LACTB2: variants seen among roughly 807,000 people sequenced by gnomAD.
LACTB2 encodes the protein lactamase beta 2, also known as endoribonuclease LACTB2.
A neutral mutation model predicts 34.8 loss-of-function variants in LACTB2; 32 were observed. The observed-to-expected ratio is 0.92, with a 90% CI of 0.69 to 1.24. The LOEUF is 1.24. LACTB2 is among the 50% of genes most tolerant of loss of function. LACTB2 has a pLI of 0.00. For missense variants in LACTB2, 320 were observed against 345.0 expected, an observed-to-expected ratio of 0.93 and a Z score of 0.57; for synonymous variants, 120 against 117.5, an observed-to-expected ratio of 1.02 and a Z score of -0.14.
Position 70,668,748 on chromosome 8 carries a change from GTT to G in LACTB2, c.122+249_122+250del, listed in dbSNP as rs990900411. 9.6e-4 allele frequency among the ~76,000 whole-genome samples: 100 copies of G among 103,678 alleles called. 2 individuals carry two copies. The highest frequency in any genetic ancestry group is 8.3e-3 in the South Asian group (17 of 2,060). 68.0% of individuals were successfully genotyped at this position (103,678 alleles called of 152,430 possible). On this transcript the variant is annotated intron_variant, in intron 1 of 6. Transcript: ENST00000276590. ...CAGTAAATCGGGTTTCAAAACAGAA[GTT>G]TTTTTTTTTTTTTTTTTTTTTTTTT...
Position 70,637,674 on chromosome 8 carries a change from A to G in LACTB2, c.*186T>C, listed in dbSNP as rs1025860867. 5.5e-6 allele frequency: 2 copies of G among 366,204 alleles called. No homozygotes were observed. Among genetic ancestry groups the G allele is most frequent in the Admixed American group, 4.6e-5 (1 of 21,596 alleles). 22.7% of individuals were successfully genotyped at this position (366,204 alleles called of 1,614,324 possible). ...AACGTTAGAAGACAAGGTTAGAGAA[A>G]TAACCTATCATATGGTTGTATAGTG... is the stretch of plus-strand genomic sequence containing the variant. On this transcript the variant is annotated 3_prime_UTR_variant, in exon 7 of 7. Coordinates refer to ENST00000276590, the MANE Select transcript of LACTB2 (RefSeq NM_016027.3).
At chr8:70,646,635 A>G (rs1818267370) in intron 3 of LACTB2, 1 of 152,042 alleles carries the variant, frequency 6.6e-6, no homozygotes, top group South Asian at 2.1e-4. Flanking sequence ...GACAAAACTG[A>G]TTATAATACT....
intron 3 of LACTB2, chr8:70,653,732 T>C (rs1197398566): frequency 6.6e-6 from 1 of 152,180 alleles, no homozygotes; most frequent in East Asian, 1.9e-4. Context: ...GGGTGACTTA[T>C]GACTGAATTG....
intron 4 of LACTB2, among the ~76,000 whole-genome samples, chr8:70,642,359 C>T (rs920775994): frequency 1.3e-5 from 2 of 152,148 alleles, no homozygotes; most frequent in Non-Finnish European, 1.5e-5. Flanking sequence ...AGGAACTCAT[C>T]GCAGAGTGTA....
intron 1 of LACTB2, among the ~76,000 whole-genome samples, chr8:70,667,127 A>G (rs1993862): frequency 0.41 from 62,313 of 152,080 alleles, 14,209 homozygotes; most frequent in Non-Finnish European, 0.52. Flanking sequence ...GATAAAGAAG[A>G]TGACTCTATC....
chr8:70,642,011 G>A (rs914482082), intron 4 of LACTB2, among the ~76,000 whole-genome samples: 3 of 152,080 alleles, frequency 2.0e-5, no homozygotes, highest in Admixed American at 2.0e-4. Flanking sequence ...CAACTGTAAA[G>A]GCCCCTGCAC....
intron 3 of LACTB2, among the ~76,000 whole-genome samples, chr8:70,650,735 C>CAAA (rs61025700): frequency 4.8e-4 from 22 of 46,208 alleles, no homozygotes; most frequent in Admixed American, 7.1e-4. Flanking sequence ...GACTCCATCT[C>CAAA]AAAAAAAAAA....
intron 6 of LACTB2, 53 bp from the exon 7 acceptor site, chr8:70,637,956 C>T: frequency 1.9e-6 from 2 of 1,035,884 alleles, no homozygotes; most frequent in South Asian, 1.9e-5. Flanking sequence ...AGTAAATGCA[C>T]TGAATTTTAA....
At chr8:70,661,386 C>A in intron 2 of LACTB2, 1 of 285,084 alleles carries the variant, frequency 3.5e-6, no homozygotes, top group South Asian at 3.5e-5. Flanking sequence ...CTGAGATAAT[C>A]TGTTAGAATG....
intron 2 of LACTB2, among the ~76,000 whole-genome samples, chr8:70,659,005 C>T (rs531264733): frequency 4.0e-5 from 6 of 151,406 alleles, no homozygotes; most frequent in Non-Finnish European, 7.4e-5. Context: ...CCAGGCCGAG[C>T]GACAGTGCGA....
At chr8:70,666,960 T>C (rs1818538544) in intron 1 of LACTB2, among the ~76,000 whole-genome samples, 1 of 152,168 alleles carries the variant, frequency 6.6e-6, no homozygotes, top group East Asian at 1.9e-4. Flanking sequence ...AGATCAAGTT[T>C]GGAATTTGAA....
Position 70,665,892 on chromosome 8 carries a change from G to A in LACTB2, c.122+3107C>T, listed in dbSNP as rs567594289. On this transcript the variant is annotated intron_variant, in intron 1 of 6. Coordinates refer to ENST00000276590, the MANE Select transcript of LACTB2 (RefSeq NM_016027.3). ...AATTGCAGTTTTTAAAGGTTCTTGA[G>A]CAGAGGAGGAAAGTAAAAACACTGG... Among the ~76,000 whole-genome samples, 3 of 152,296 alleles carry A rather than the reference G, an allele frequency of 2.0e-5. No homozygotes were observed. The South Asian group carries it at 6.2e-4, about 32-fold the overall frequency.
chr8:70,640,398 T>TG (rs1818181304), intron 5 of LACTB2, among the ~76,000 whole-genome samples: 1 of 149,234 alleles, frequency 6.7e-6, no homozygotes, highest in Admixed American at 6.7e-5. Flanking sequence ...GCCAGTGAGG[T>TG]GTAAGGCTCT....
rs756656017 is a variant in LACTB2 at position 70,669,137 on chromosome 8, C to A, written c.-17G>T. 3 of 1,611,548 alleles carry A rather than the reference C, an allele frequency of 1.9e-6. No individual in the cohort carries two copies. Among genetic ancestry groups the A allele is most frequent in the South Asian group, 1.1e-5 (1 of 90,760 alleles). ...AGCAGCCATTCCCGCCTCAGCCGCC[C>A]GCCGGCGTGTCGCCTATCTGGATAC... is the stretch of plus-strand genomic sequence containing the variant. On this transcript the variant is annotated 5_prime_UTR_variant, in exon 1 of 7. Transcript: ENST00000276590.
chr8:70,643,491 G>A (rs1012694587), intron 4 of LACTB2, among the ~76,000 whole-genome samples: 2 of 150,142 alleles, frequency 1.3e-5, no homozygotes, highest in Non-Finnish European at 3.0e-5. Flanking sequence ...TCAAAGAGGG[G>A]TATATTTTAA....
intron 5 of LACTB2, among the ~76,000 whole-genome samples, chr8:70,639,303 G>C (rs1425225213): frequency 6.6e-6 from 1 of 151,854 alleles, no homozygotes; most frequent in African/African-American, 2.4e-5. Flanking sequence ...AGGATTACAG[G>C]CGTGTGCCAC....
intron 5 of LACTB2, among the ~76,000 whole-genome samples, chr8:70,640,122 G>C (rs1387036935): frequency 2.0e-5 from 3 of 152,074 alleles, no homozygotes; most frequent in Non-Finnish European, 4.4e-5. Flanking sequence ...CATGACACCT[G>C]GCTCATTTAA....
At chr8:70,637,971 C>G in intron 6 of LACTB2, 68 bp from the exon 7 acceptor site, 1 of 845,784 alleles carries the variant, frequency 1.2e-6, no homozygotes, top group South Asian at 2.3e-5. Context: ...TTTTAAGTTA[C>G]CTTGTGGCTA....
intron 1 of LACTB2, among the ~76,000 whole-genome samples, chr8:70,665,648 CA>C (rs758406083): frequency 5.3e-5 from 8 of 152,080 alleles, no homozygotes; most frequent in Non-Finnish European, 1.2e-4. Flanking sequence ...TTATAAAATC[CA>C]ATGAGGTAGG....
Sources: allele counts gnomAD v4.1 joint callset (sites outside exome capture counted in the v4.1 genomes callset), GRCh38; gene constraint gnomAD v4.1.1; transcripts MANE v1.5; gene names NCBI Gene and HGNC (gene_info 2026-07-23, HGNC 2026-07-21).